ABTB2: variants seen among roughly 807,000 people sequenced by gnomAD.
ABTB2 encodes ankyrin repeat and BTB domain containing 2.
Under a neutral mutation model 104.1 loss-of-function variants are expected in ABTB2, and 56 were observed. The observed-to-expected ratio is 0.54, with a 90% confidence interval of 0.43 to 0.67. The LOEUF (loss-of-function observed/expected upper bound fraction) is 0.67, where lower values mean the gene tolerates loss of function less well. ABTB2 is among the 30% of genes least tolerant of loss of function. The probability of loss-of-function intolerance (pLI) is 0.00; values close to 1 mark genes in which losing one functional copy is unlikely to be tolerated. For synonymous variants in ABTB2, 606 were observed against 608.2 expected, an observed-to-expected ratio of 1.00 and a Z score of 0.05; for missense variants, 1,279 against 1,407.7, an observed-to-expected ratio of 0.91 and a Z score of 1.46.
chr11:34,298,412 C>CTT (rs200966756), intron 1 of ABTB2, among the ~76,000 whole-genome samples: 427 of 129,132 alleles, frequency 3.3e-3, no homozygotes, highest in African/African-American at 0.012. Context: ...GATCTTGTTT[C>CTT]TTTTTTTTTT....
At chr11:34,171,575 A>G (rs1241264948) in intron 4 of ABTB2, among the ~76,000 whole-genome samples, 1 of 152,154 alleles carries the variant, frequency 6.6e-6, no homozygotes, top group African/African-American at 2.4e-5. Flanking sequence ...CTCTGTCTCA[A>G]TCAATCAATC....
rs141021753 is a variant in ABTB2, at chr11:34,152,499, C to T, written c.2966G>A (p.Arg989Gln). The change falls in exon 17 of 17, where the codon CGG becomes CAG. Residue 989 changes from arginine to glutamine, a missense_variant. Transcript: ENST00000435224. ...MKALLEQDAFRQLIYGRSSKV... is the reference protein window; with the variant it reads ...MKALLEQDAFQQLIYGRSSKV... The stretch of plus-strand genomic sequence containing the variant: ...GCTGCTGCGGCCGTAGATGAGCTGC[C>T]GGAAGGCATCCTGCTCCAGTAGGGC... The T allele has an allele frequency of 2.2e-4, 362 of 1,609,818 alleles. No homozygotes were observed. The highest frequency in any genetic ancestry group is 1.3e-3 in the Middle Eastern group (7 of 5,464).
chr11:34,357,070 C>T lies in ABTB2; in HGVS notation c.514G>A (p.Glu172Lys). ...VRLVHSWALAESCALAAVKAL... is the reference protein window; with the variant it reads ...VRLVHSWALAKSCALAAVKAL... ...TTGACGGCTGCCAGCGCGCAGCTCT[C>T]GGCCAGCGCCCAGCTGTGCACCAGG... The change falls in exon 1 of 17, where the codon GAG (glutamate) becomes AAG (lysine). Residue 172 changes from glutamate to lysine, a missense_variant. By Grantham distance (56) the Glu-to-Lys change is moderately conservative. Transcript: ENST00000435224. 1 of 1,523,486 alleles carries T rather than the reference C, an allele frequency of 6.6e-7. No individual in the cohort carries two copies. Among genetic ancestry groups the T allele is most frequent in the Non-Finnish European group, 8.8e-7 (1 of 1,137,394 alleles). 94.4% of individuals were successfully genotyped at this position (1,523,486 alleles called of 1,614,324 possible).
At chr11:34,169,313 T>C (rs919403165) in intron 5 of ABTB2, among the ~76,000 whole-genome samples, 1 of 152,132 alleles carries the variant, frequency 6.6e-6, no homozygotes, top group Non-Finnish European at 1.5e-5. Flanking sequence ...CTCGCAGATA[T>C]CAGGCATCAT....
At chr11:34,238,490 C>T (rs904875142) in intron 1 of ABTB2, among the ~76,000 whole-genome samples, 3 of 152,200 alleles carry the variant, frequency 2.0e-5, no homozygotes, top group Non-Finnish European at 2.9e-5. Context: ...ACCTGGGATA[C>T]AGTAGGTACT....
Position 34,154,921 on chromosome 11 carries a change from G to A in ABTB2, c.2698-152C>T. On this transcript the variant is annotated intron_variant, in intron 14 of 16. Coordinates refer to ENST00000435224, the MANE Select transcript of ABTB2 (RefSeq NM_145804.3). This position sits in a 1 kb window ranked among gnomAD's most constrained non-coding sequence, Gnocchi z 4.9. ...GTCTCTCCCTCCCTCTCCTGCTCAG[G>A]CTGAGACTTGTGTTTTCCCGGGGAA... The A allele has an allele frequency of 1.4e-6, 1 of 698,108 alleles. No homozygotes were observed. The highest frequency in any genetic ancestry group is 2.4e-6 in the Non-Finnish European group (1 of 419,418). 43.2% of individuals were successfully genotyped at this position (698,108 alleles called of 1,614,324 possible).
Position 34,333,824 on chromosome 11 carries a change from C to G in ABTB2, c.883+22877G>C, listed in dbSNP as rs190302061. Among the ~76,000 whole-genome samples the G allele has an allele frequency of 3.9e-5, 6 of 152,146 alleles. No individual in the cohort carries two copies. In the East Asian group the frequency reaches 1.2e-3, roughly 29 times the overall value. Reference sequence around the variant, plus strand: ...CCAGCTCAAATCACACAGTGAAGATCCCAAAATTGAACCCAGGTCTCCCTA... The same window carrying G: ...CCAGCTCAAATCACACAGTGAAGATGCCAAAATTGAACCCAGGTCTCCCTA... On this transcript the variant is annotated intron_variant, in intron 1 of 16. Coordinates refer to ENST00000435224, the MANE Select transcript of ABTB2 (RefSeq NM_145804.3).
intron 1 of ABTB2, among the ~76,000 whole-genome samples, chr11:34,338,260 AATCC>A (rs1466915354): frequency 1.3e-5 from 2 of 151,652 alleles, no homozygotes; most frequent in Admixed American, 1.3e-4. Context: ...GCATGCCTGT[AATCC>A]CAGCTACTTA....
chr11:34,191,416 CG>C, intron 3 of ABTB2, among the ~76,000 whole-genome samples: 1 of 152,292 alleles, frequency 6.6e-6, no homozygotes, highest in South Asian at 2.1e-4. Flanking sequence ...ACACATTTAT[CG>C]TCTACCAGGA....
chr11:34,156,523 CTTT>C (rs397764001), intron 14 of ABTB2, among the ~76,000 whole-genome samples: 7 of 142,366 alleles, frequency 4.9e-5, no homozygotes, highest in Non-Finnish European at 6.2e-5. Context: ...TGCTCAGTAA[CTTT>C]TTTTTTTTTT....
rs1277596493 is a variant in ABTB2 at position 34,152,356 on chromosome 11, GCCC to G, written c.*28_*30del. ...ATGGTGGGCCCTGGCACCTCCACAG[GCCC>G]TGGCCTCGGCAGCCTCCGCCCCCTG... On this transcript the variant is annotated 3_prime_UTR_variant, in exon 17 of 17. Transcript: ENST00000435224. 12 of 1,542,004 alleles carry G rather than the reference GCCC, an allele frequency of 7.8e-6. No individual in the cohort carries two copies. In the East Asian group the frequency reaches 2.9e-4, roughly 38 times the overall value.
intron 1 of ABTB2, among the ~76,000 whole-genome samples, chr11:34,323,181 A>T (rs1855027136): frequency 6.6e-6 from 1 of 152,202 alleles, no homozygotes; most frequent in Admixed American, 6.5e-5. Flanking sequence ...TGCTGGAATT[A>T]CAGGCGTGAG....
Position 34,192,344 on chromosome 11 carries a change from T to C in ABTB2, c.1244+4981A>G, listed in dbSNP as rs55752643. Among the ~76,000 whole-genome samples the C allele has an allele frequency of 5.9e-3, 898 of 152,252 alleles. 5 individuals are homozygous for C. Among genetic ancestry groups the C allele is most frequent in the African/African-American group, 0.02 (838 of 41,562 alleles). ...TCATTGGGTCCGCATACCTTACAGA[T>C]GATTAAGAGCCTTGAAGAGGTTAAA... is the stretch of plus-strand genomic sequence containing the variant. On this transcript the variant is annotated intron_variant, in intron 3 of 16. Transcript: ENST00000435224.
intron 1 of ABTB2, among the ~76,000 whole-genome samples, chr11:34,280,657 C>CA (rs1031788653): frequency 7.2e-5 from 11 of 152,302 alleles, no homozygotes; most frequent in African/African-American, 2.4e-4. Flanking sequence ...ACAATCTCAA[C>CA]ACCCACCATC....
chr11:34,165,646 C>T (rs1179303496), intron 7 of ABTB2, among the ~76,000 whole-genome samples: 1 of 152,248 alleles, frequency 6.6e-6, no homozygotes, highest in East Asian at 1.9e-4. Flanking sequence ...CTGACTGCAG[C>T]CACCTTTCTG....
At chr11:34,285,423 C>T (rs1384117267) in intron 1 of ABTB2, among the ~76,000 whole-genome samples, 4 of 152,156 alleles carry the variant, frequency 2.6e-5, no homozygotes, top group African/African-American at 7.2e-5. Context: ...TCCTTGCCAA[C>T]GGAAAACAGG....
chr11:34,174,120 G>C (rs1852926877), intron 3 of ABTB2, among the ~76,000 whole-genome samples: 1 of 152,086 alleles, frequency 6.6e-6, no homozygotes, highest in African/African-American at 2.4e-5. Flanking sequence ...GGATCACGAG[G>C]TCAGGAGATC....
chr11:34,326,592 T>G (rs1438743446), intron 1 of ABTB2, among the ~76,000 whole-genome samples: 2 of 149,028 alleles, frequency 1.3e-5, no homozygotes, highest in Middle Eastern at 3.2e-3. Flanking sequence ...ATCATGCTAC[T>G]GCATTCCAGC....
intron 1 of ABTB2, among the ~76,000 whole-genome samples, chr11:34,256,791 G>A (rs975358053): frequency 1.3e-5 from 2 of 152,156 alleles, no homozygotes; most frequent in Admixed American, 6.5e-5. Context: ...CTTTCACTCC[G>A]GAGGGGACGG....
Sources: allele counts gnomAD v4.1 joint callset (sites outside exome capture counted in the v4.1 genomes callset), GRCh38; gene constraint gnomAD v4.1.1; non-coding constraint Gnocchi (gnomAD v3.1); transcripts MANE v1.5; gene names NCBI Gene and HGNC (gene_info 2026-07-23, HGNC 2026-07-21).